The following STPG2 variants were observed in gnomAD, a reference collection of about 807,000 sequenced individuals.
The protein encoded by STPG2 is sperm-tail PG-rich repeat-containing protein 2.
Under a neutral mutation model 54.2 loss-of-function variants are expected in STPG2, and 56 were observed. The observed-to-expected ratio is 1.03, with a 90% confidence interval of 0.83 to 1.29. The LOEUF is 1.29. STPG2 is among the 50% of genes most tolerant of loss of function. The probability of loss-of-function intolerance (pLI) is 0.00; values close to 1 mark genes in which losing one functional copy is unlikely to be tolerated. For missense variants in STPG2, 596 were observed against 544.9 expected, an observed-to-expected ratio of 1.09 and a Z score of -0.93; for synonymous variants, 200 against 181.8, an observed-to-expected ratio of 1.10 and a Z score of -0.81.
chr4:97,913,474 G>A (rs772960495), intron 8 of STPG2, among the ~76,000 whole-genome samples: 8 of 152,154 alleles, frequency 5.3e-5, no homozygotes, highest in Non-Finnish European at 7.4e-5. Context: ...CAAGGAAGAC[G>A]ATAGGCTATA....
At chr4:97,768,091 C>T (rs572178128) in intron 9 of STPG2, among the ~76,000 whole-genome samples, 1 of 151,450 alleles carries the variant, frequency 6.6e-6, no homozygotes, top group South Asian at 2.1e-4. Context: ...GTCGTGAACC[C>T]AGGAGGCGGA....
intron 10 of STPG2, among the ~76,000 whole-genome samples, chr4:97,589,557 C>T (rs1462901145): frequency 6.6e-6 from 1 of 152,074 alleles, no homozygotes; most frequent in African/African-American, 2.4e-5. Flanking sequence ...CAGGAGTTGG[C>T]AAGCTTTTCC....
chr4:97,524,353 C>A (rs1731239482), intron 4 of STPG2, among the ~76,000 whole-genome samples: 2 of 151,822 alleles, frequency 1.3e-5, no homozygotes, highest in South Asian at 4.1e-4. Context: ...CTTTGTAATG[C>A]AGAGTAAATA....
chr4:97,627,527 G>A (rs1157454066), intron 10 of STPG2, among the ~76,000 whole-genome samples: 2 of 151,984 alleles, frequency 1.3e-5, no homozygotes, highest in Non-Finnish European at 2.9e-5. Flanking sequence ...TTGCATTTCT[G>A]AAGCTCTCAT....
At chr4:97,976,115 T>C (rs955469800) in intron 6 of STPG2, among the ~76,000 whole-genome samples, 1 of 152,196 alleles carries the variant, frequency 6.6e-6, no homozygotes, top group African/African-American at 2.4e-5. Flanking sequence ...CTTCCCAATT[T>C]TTCAAATATT....
chr4:97,937,996 G>C (rs1310046363), intron 8 of STPG2, among the ~76,000 whole-genome samples: 1 of 152,196 alleles, frequency 6.6e-6, no homozygotes, highest in Non-Finnish European at 1.5e-5. Flanking sequence ...GGAAGACGTA[G>C]TCTGCAGGTC....
chr4:98,083,403 T>C (rs942782849), intron 5 of STPG2, among the ~76,000 whole-genome samples: 4 of 152,176 alleles, frequency 2.6e-5, no homozygotes, highest in African/African-American at 9.7e-5. Context: ...AGCAAATCTT[T>C]GGTGGAGCTT....
intron 5 of STPG2, among the ~76,000 whole-genome samples, chr4:98,006,779 G>A (rs1474489525): frequency 6.6e-6 from 1 of 152,168 alleles, no homozygotes; most frequent in Non-Finnish European, 1.5e-5. Flanking sequence ...TGACTCTACT[G>A]AGCTTCCCAA....
At chr4:97,626,539 C>A (rs1309174077) in intron 10 of STPG2, among the ~76,000 whole-genome samples, 1 of 152,026 alleles carries the variant, frequency 6.6e-6, no homozygotes, top group Middle Eastern at 3.2e-3. Context: ...ACACTTCTCC[C>A]CAGGGCAAAG....
At chr4:97,633,147 T>C (rs980449843) in intron 10 of STPG2, among the ~76,000 whole-genome samples, 1 of 152,158 alleles carries the variant, frequency 6.6e-6, no homozygotes, top group African/African-American at 2.4e-5. Flanking sequence ...CCATTTACAT[T>C]CTTATAATAA....
chr4:97,754,563 TGA>T (rs1483237290), intron 9 of STPG2, among the ~76,000 whole-genome samples: 1 of 152,120 alleles, frequency 6.6e-6, no homozygotes, highest in East Asian at 1.9e-4. Flanking sequence ...AAATTTTGCA[TGA>T]GAGTCTGAAT....
intron 7 of STPG2, among the ~76,000 whole-genome samples, chr4:97,965,681 A>G (rs1734072448): frequency 6.6e-6 from 1 of 152,196 alleles, no homozygotes; most frequent in Non-Finnish European, 1.5e-5. Flanking sequence ...ATTCTGCAAC[A>G]TTTGCTGTTC....
At chr4:98,114,952 T>TCTTG (rs757421673) in intron 3 of STPG2, among the ~76,000 whole-genome samples, 59,981 of 151,764 alleles carry the variant, frequency 0.4, 12,104 homozygotes, top group Middle Eastern at 0.45. Flanking sequence ...ATCTCTAAAT[T>TCTTG]ACAGTTTCTT....
chr4:97,760,484 G>A (rs1332297006), intron 9 of STPG2, among the ~76,000 whole-genome samples: 3 of 152,008 alleles, frequency 2.0e-5, no homozygotes, highest in African/African-American at 7.2e-5. Context: ...AATCTCTCAA[G>A]GATTATATAG....
intron 8 of STPG2, among the ~76,000 whole-genome samples, chr4:97,861,385 C>T (rs1729531287): frequency 6.6e-6 from 1 of 152,122 alleles, no homozygotes; most frequent in Admixed American, 6.6e-5. Context: ...CCTTTGGCCA[C>T]TGTTGGTGGG....
At chr4:97,764,982 A>G (rs894005083) in intron 9 of STPG2, among the ~76,000 whole-genome samples, 1 of 152,136 alleles carries the variant, frequency 6.6e-6, no homozygotes, top group African/African-American at 2.4e-5. Flanking sequence ...TTTTAATATC[A>G]ATATTATAAG....
At chr4:97,648,644 C>T (rs1235205003) in intron 10 of STPG2, among the ~76,000 whole-genome samples, 1 of 152,060 alleles carries the variant, frequency 6.6e-6, no homozygotes, top group Non-Finnish European at 1.5e-5. Flanking sequence ...ATCATGGACA[C>T]ATAATTTATG....
chr4:98,057,530 G>T (rs1737519107), intron 5 of STPG2, among the ~76,000 whole-genome samples: 1 of 151,984 alleles, frequency 6.6e-6, no homozygotes, highest in South Asian at 2.1e-4. Context: ...GAAAAGGAAT[G>T]AACAAAACCT....
chr4:97,525,262 A>G (rs943541554), intron 4 of STPG2, among the ~76,000 whole-genome samples: 1 of 151,942 alleles, frequency 6.6e-6, no homozygotes, highest in Non-Finnish European at 1.5e-5. Context: ...TTTAAAAATT[A>G]TGATTGCAAA....
Sources: allele counts gnomAD v4.1 joint callset (sites outside exome capture counted in the v4.1 genomes callset), GRCh38; gene constraint gnomAD v4.1.1; transcripts MANE v1.5; gene names NCBI Gene and HGNC (gene_info 2026-07-23, HGNC 2026-07-21).